The following DCLK3 variants were observed in gnomAD, a reference collection of about 807,000 sequenced individuals.
DCLK3 encodes doublecortin like kinase 3.
In DCLK3, 30 loss-of-function variants were observed where a neutral mutation model predicts 46.4. The ratio of observed to expected loss-of-function variants is 0.65; its 90% CI spans 0.48 to 0.88. The LOEUF is 0.88. DCLK3 is among the 40% of genes least tolerant of loss of function. The pLI is 0.00. For synonymous variants in DCLK3, 401 were observed against 339.2 expected (o/e 1.18, Z -2.00); for missense variants, 846 against 907.1 (o/e 0.93, Z 0.87).
chr3:36,739,067 C>A lies in DCLK3; in HGVS notation c.100G>T (p.Asp34Tyr). Reference protein sequence around the residue: ...RPAPGQQGLCDHSLKYLSSRI... With the variant: ...RPAPGQQGLCYHSLKYLSSRI... ...GAGCTTAAATATTTTAGAGAATGGT[C>A]ACATAGGCCTTGCTGTCCTGCAACA... The change falls in exon 2 of 5, where the codon GAC (aspartate) becomes TAC (tyrosine). Residue 34 changes from aspartate to tyrosine, a missense_variant. Asp to Tyr is a radical substitution (Grantham distance 160, BLOSUM62 -3). Around this residue, in one of 3 missense-constraint regions of DCLK3, gnomAD observed 553 missense variants for 543.0 expected, o/e 1.02. Coordinates refer to ENST00000636136, the MANE Select transcript of DCLK3 (RefSeq NM_001394672.2). 2 of 398,584 alleles carry A rather than the reference C, an allele frequency of 5.0e-6. No individual in the cohort carries two copies. The highest frequency in any genetic ancestry group is 2.6e-4 in the South Asian group (2 of 7,736). The allele number at this position is 398,584 out of a possible 1,614,324, so 24.7% of individuals were successfully genotyped here. A position where few individuals can be genotyped will look rare whatever the true frequency, so the allele number is the denominator to read the frequency against.
chr3:36,729,250 G>C (rs183659304), intron 2 of DCLK3, among the ~76,000 whole-genome samples: 18 of 95,250 alleles, frequency 1.9e-4, no homozygotes, highest in Admixed American at 7.3e-4. Flanking sequence ...TGTGTGTGTG[G>C]GGGGGGGGGG....
chr3:36,759,598 G>A (rs1173495353), intron 1 of DCLK3, among the ~76,000 whole-genome samples: 1 of 152,214 alleles, frequency 6.6e-6, no homozygotes, highest in South Asian at 2.1e-4. Flanking sequence ...CATGAACTGA[G>A]CTCTGCTCCC....
chr3:36,754,837 T>C (rs896990386), intron 1 of DCLK3, among the ~76,000 whole-genome samples: 1 of 152,222 alleles, frequency 6.6e-6, no homozygotes, highest in African/African-American at 2.4e-5. Context: ...CTGAGCCACC[T>C]GGAAAGGCAA....
chr3:36,751,010 G>C (rs558574904), intron 1 of DCLK3, among the ~76,000 whole-genome samples: 2 of 131,428 alleles, frequency 1.5e-5, no homozygotes, highest in South Asian at 5.0e-4. Context: ...TGTTCCTGCA[G>C]CTGGCAATAA....
At chr3:36,725,015 TA>T (rs747789503) in intron 2 of DCLK3, among the ~76,000 whole-genome samples, 19,144 of 142,380 alleles carry the variant, frequency 0.13, 1,543 homozygotes, top group Middle Eastern at 0.19. Context: ...TCTCATTTGT[TA>T]AAAAAAAAAA....
rs766556698 is a variant in DCLK3, at chr3:36,721,516, G to C, written c.2092+11C>G. 40 of 1,613,772 alleles carry C rather than the reference G, an allele frequency of 2.5e-5. No individual in the cohort carries two copies. The highest frequency in any genetic ancestry group is 8.5e-7 in the Non-Finnish European group (1 of 1,179,916). ...GAACTAGAGTCCCACAGATCGATGTGTAACACTTACCTTTCTCAGAAAGAA... is the reference window on the plus strand; with the variant it reads ...GAACTAGAGTCCCACAGATCGATGTCTAACACTTACCTTTCTCAGAAAGAA... On this transcript the variant is annotated intron_variant, in intron 3 of 4. Transcript: ENST00000636136.
At chr3:36,731,451 G>A (rs1006970669) in intron 2 of DCLK3, among the ~76,000 whole-genome samples, 1 of 148,572 alleles carries the variant, frequency 6.7e-6, no homozygotes, top group Admixed American at 6.7e-5. Context: ...CTTCGTGCGT[G>A]CACACACACA....
chr3:36,737,478 G>T lies in DCLK3; in HGVS notation c.1689C>A (p.Gly563=). The T allele has an allele frequency of 6.2e-7, 1 of 1,614,150 alleles. No individual in the cohort carries two copies. Among genetic ancestry groups the T allele is most frequent in the South Asian group, 1.1e-5 (1 of 91,082 alleles). Residue 563 remains glycine (G), a synonymous_variant, in exon 2 of 5, where the codon GGC becomes GGA. Coordinates refer to ENST00000636136, the MANE Select transcript of DCLK3 (RefSeq NM_001394672.2). The surrounding 1 kb of genome is among the most constrained non-coding windows in gnomAD (Gnocchi z 4.4). ...TCTCACTGTCCACCATGTCCTCCTTGCCCTTGAGTCTGGACTTGTCAATGA... is the reference window on the plus strand; with the variant it reads ...TCTCACTGTCCACCATGTCCTCCTTTCCCTTGAGTCTGGACTTGTCAATGA... The part of the protein sequence containing the change: ...MKIIDKSRLK[G]KEDMVDSEIL...
At chr3:36,745,173 T>C (rs920161043) in intron 1 of DCLK3, among the ~76,000 whole-genome samples, 2 of 152,158 alleles carry the variant, frequency 1.3e-5, no homozygotes, top group African/African-American at 4.8e-5. Context: ...AAGTTTAGCA[T>C]CAAGAAAAAA....
chr3:36,728,986 T>C (rs1701159075), intron 2 of DCLK3, among the ~76,000 whole-genome samples: 1 of 152,120 alleles, frequency 6.6e-6, no homozygotes, highest in African/African-American at 2.4e-5. Context: ...TGAAACAGAA[T>C]CTGCATTTCC....
In DCLK3 at chr3:36,728,515, G is replaced by A. The variant is rs939765691; in HGVS notation, c.1960-6856C>T. Reference sequence around the variant, plus strand: ...GAACGAAAGTAGGGAAAAGGCAATTGGTGTCTCTCTGTCTCTCTCTCTCTG... The same window carrying A: ...GAACGAAAGTAGGGAAAAGGCAATTAGTGTCTCTCTGTCTCTCTCTCTCTG... On this transcript the variant is annotated intron_variant, in intron 2 of 4. Transcript: ENST00000636136. Among the ~76,000 whole-genome samples, 4 of 152,050 alleles carry A rather than the reference G, an allele frequency of 2.6e-5. No individual in the cohort carries two copies. The South Asian group carries it at 8.3e-4, about 31-fold the overall frequency.
chr3:36,756,511 T>C (rs1353209492), intron 1 of DCLK3, among the ~76,000 whole-genome samples: 1 of 152,222 alleles, frequency 6.6e-6, no homozygotes, highest in African/African-American at 2.4e-5. Context: ...ATGGGTTATC[T>C]GGCAAGAACC....
intron 1 of DCLK3, among the ~76,000 whole-genome samples, chr3:36,754,382 C>G (rs1198905709): frequency 2.0e-5 from 3 of 152,206 alleles, no homozygotes; most frequent in Non-Finnish European, 4.4e-5. Context: ...AACTTGAACA[C>G]AAGGTAAGAC....
At chr3:36,736,923 A>G (rs1319093854) in intron 2 of DCLK3, among the ~76,000 whole-genome samples, 11 of 152,318 alleles carry the variant, frequency 7.2e-5, no homozygotes, top group African/African-American at 2.4e-4. Flanking sequence ...AATTAAGTCC[A>G]CGTAGTCACT....
At chr3:36,758,583 G>A (rs1369521324) in intron 1 of DCLK3, among the ~76,000 whole-genome samples, 1 of 152,180 alleles carries the variant, frequency 6.6e-6, no homozygotes. Flanking sequence ...GCAACAAGCA[G>A]AGAATAAGCC....
chr3:36,736,973 A>G (rs1701270857), intron 2 of DCLK3, among the ~76,000 whole-genome samples: 1 of 152,180 alleles, frequency 6.6e-6, no homozygotes, highest in Non-Finnish European at 1.5e-5. Context: ...ATGAAGAGAC[A>G]TTTTCCATTT....
chr3:36,739,354 C>T (rs1179686324), intron 1 of DCLK3, among the ~76,000 whole-genome samples: 1 of 152,230 alleles, frequency 6.6e-6, no homozygotes, highest in African/African-American at 2.4e-5. Context: ...ACCTCAGGAG[C>T]TGATACAGTT....
intron 1 of DCLK3, among the ~76,000 whole-genome samples, chr3:36,746,079 A>G (rs1701391236): frequency 6.6e-6 from 1 of 152,214 alleles, no homozygotes; most frequent in African/African-American, 2.4e-5. Flanking sequence ...CCTCTTTATT[A>G]CCAACATGAC....
In DCLK3 at chr3:36,738,191, G is replaced by A. The variant is rs1295061082; in HGVS notation, c.976C>T (p.Leu326Phe). 3.7e-6 allele frequency: 6 copies of A among 1,613,396 alleles called. No homozygotes were observed. The Admixed American group carries it at 8.3e-5, about 22-fold the overall frequency. Reference protein sequence around the residue: ...ELQQSLERERLSLGTSELDMG... With the variant: ...ELQQSLERERFSLGTSELDMG... ...TCCAGCTCACTGGTCCCCAGAGAAA[G>A]CCTCTCACGCTCCAGGCTCTGCTGG... Residue 326 changes from leucine to phenylalanine, a missense_variant, in exon 2 of 5, where the codon CTT (leucine) becomes TTT (phenylalanine). By Grantham distance (22) the Leu-to-Phe change is conservative. This residue lies in a region of DCLK3 where 553 missense variants were observed against 543.0 expected (regional missense o/e 1.02). Transcript: ENST00000636136.
Sources: gnomAD v4.1 joint callset for allele counts (sites outside exome capture counted in the v4.1 genomes callset) on GRCh38, gnomAD v4.1.1 for gene constraint, gnomAD v4.1.1 regional missense constraint, Gnocchi (gnomAD v3.1) non-coding constraint, MANE v1.5 for transcripts, NCBI Gene and HGNC (gene_info 2026-07-23, HGNC 2026-07-21) for gene names.